The following SGCD variants were observed in gnomAD, a reference collection of about 807,000 sequenced individuals.
SGCD encodes delta-sarcoglycan.
SGCD carries 18 observed loss-of-function variants against 36.6 expected under a neutral mutation model. That is an observed-to-expected ratio of 0.49 (90% confidence interval 0.34 to 0.73). The LOEUF (loss-of-function observed/expected upper bound fraction) is 0.73, where lower values mean the gene tolerates loss of function less well. Ranked by LOEUF, SGCD falls within the 30% of genes least tolerant of loss-of-function variation. The pLI, the probability that SGCD is intolerant of heterozygous loss-of-function variation, is 0.01. For synonymous variants in SGCD, 133 were observed against 130.6 expected (o/e 1.02, Z -0.12); for missense variants, 387 against 346.7 (o/e 1.12, Z -0.92).
At chr5:156,713,383 CA>C (rs1369287541) in intron 7 of SGCD, among the ~76,000 whole-genome samples, 1 of 143,534 alleles carries the variant, frequency 7.0e-6, no homozygotes, top group East Asian at 2.0e-4. Context: ...CCTGGGGGGA[CA>C]GGAAGAATAT....
At chr5:156,171,549 C>T (rs1763348013) in intron 3 of SGCD, among the ~76,000 whole-genome samples, 1 of 152,112 alleles carries the variant, frequency 6.6e-6, no homozygotes. Context: ...CCAAATAAAT[C>T]ACATTGTTAC....
chr5:156,459,392 A>G (rs1754390953), intron 3 of SGCD, among the ~76,000 whole-genome samples: 1 of 152,186 alleles, frequency 6.6e-6, no homozygotes, highest in Non-Finnish European at 1.5e-5. Context: ...TGTGCATGAG[A>G]ATCACTTGAA....
intron 4 of SGCD, among the ~76,000 whole-genome samples, chr5:156,567,639 G>A (rs1227923969): frequency 4.6e-5 from 7 of 152,106 alleles, no homozygotes; most frequent in Non-Finnish European, 8.8e-5. Flanking sequence ...AGAGCAATCT[G>A]CTTTACCCAG....
rs544597737 is a variant in SGCD at position 156,278,205 on chromosome 5, A to G, written c.-43-51329A>G. ...GGGACTGGTATATAGTGAGCAAGAA[A>G]TAACATGATTGTAGGTAGGCTGTGA... is the stretch of plus-strand genomic sequence containing the variant. On this transcript the variant is annotated intron_variant, in intron 3 of 9. Coordinates refer to the SGCD transcript ENST00000517913. 1.5e-4 allele frequency among the ~76,000 whole-genome samples: 23 copies of G among 152,298 alleles called. No homozygotes were observed. In the South Asian group the frequency reaches 4.6e-3, roughly 30 times the overall value.
chr5:156,203,128 ACTATACT>A (rs1764192437), intron 3 of SGCD, among the ~76,000 whole-genome samples: 4 of 152,252 alleles, frequency 2.6e-5, no homozygotes, highest in Admixed American at 2.0e-4. Context: ...ATGTGGGGAA[ACTATACT>A]CTATAATTTG....
chr5:156,095,338 G>A (rs1002410521), intron 1 of SGCD, among the ~76,000 whole-genome samples: 1 of 152,168 alleles, frequency 6.6e-6, no homozygotes. Flanking sequence ...CCAAGTCCCG[G>A]TCTATCTATT....
chr5:156,043,117 C>T (rs997284150), intron 1 of SGCD, among the ~76,000 whole-genome samples: 11 of 152,118 alleles, frequency 7.2e-5, no homozygotes, highest in African/African-American at 1.9e-4. Flanking sequence ...AATTTTCTTA[C>T]GGTTACAATT....
chr5:156,478,737 C>T (rs745869528), intron 3 of SGCD, among the ~76,000 whole-genome samples: 5 of 152,004 alleles, frequency 3.3e-5, no homozygotes, highest in African/African-American at 9.7e-5. Context: ...TGAGCCGCTA[C>T]GCCTAGCTAA....
At chr5:155,907,477 A>G (rs765900792) in intron 1 of SGCD, among the ~76,000 whole-genome samples, 1 of 152,128 alleles carries the variant, frequency 6.6e-6, no homozygotes, top group Non-Finnish European at 1.5e-5. Flanking sequence ...CTTCTGGAAC[A>G]TTTGTGATTC....
chr5:156,731,735 A>C (rs998483916), intron 7 of SGCD, among the ~76,000 whole-genome samples: 1 of 152,166 alleles, frequency 6.6e-6, no homozygotes. Flanking sequence ...TTTAATAGGC[A>C]TAGCATTGAA....
At chr5:156,219,443 G>C (rs1764662277) in intron 3 of SGCD, among the ~76,000 whole-genome samples, 1 of 151,966 alleles carries the variant, frequency 6.6e-6, no homozygotes, top group South Asian at 2.1e-4. Context: ...GGACATAGTA[G>C]GTCAGTATAA....
the SGCD span, among the ~76,000 whole-genome samples, chr5:155,735,194 G>A: frequency 2.6e-5 from 4 of 152,176 alleles, no homozygotes; most frequent in Admixed American, 6.5e-5. Context: ...GGTCTAATGC[G>A]TCCCTAGAGG....
intron 7 of SGCD, among the ~76,000 whole-genome samples, chr5:156,673,413 C>T (rs538893328): frequency 8.5e-5 from 13 of 152,310 alleles, no homozygotes; most frequent in South Asian, 6.2e-4. Context: ...CCCTGGCCTA[C>T]GGTTCCTATT....
At chr5:155,759,959 G>T in the SGCD span, among the ~76,000 whole-genome samples, 3 of 152,108 alleles carry the variant, frequency 2.0e-5, no homozygotes, top group African/African-American at 7.2e-5. Context: ...CATTTCATCC[G>T]GTTAGCTTAT....
intron 1 of SGCD, among the ~76,000 whole-genome samples, chr5:156,069,936 G>T (rs1467043382): frequency 1.3e-5 from 2 of 151,958 alleles, no homozygotes; most frequent in East Asian, 3.9e-4. Context: ...CTGTTTGTCT[G>T]TTATTGGTGT....
At chr5:155,985,202 T>C (rs150241091) in intron 1 of SGCD, among the ~76,000 whole-genome samples, 5 of 152,348 alleles carry the variant, frequency 3.3e-5, no homozygotes, top group African/African-American at 1.2e-4. Context: ...ATGGTTCAGC[T>C]GGTTCTTTGC....
intron 1 of SGCD, among the ~76,000 whole-genome samples, chr5:156,037,784 T>C (rs755751560): frequency 1.3e-5 from 2 of 152,210 alleles, no homozygotes; most frequent in African/African-American, 2.4e-5. Context: ...GACTAGGCTA[T>C]CTAGAAAGAA....
At chr5:156,319,395 C>T (rs1322974235) in intron 3 of SGCD, among the ~76,000 whole-genome samples, 3 of 152,178 alleles carry the variant, frequency 2.0e-5, no homozygotes, top group Non-Finnish European at 4.4e-5. Flanking sequence ...TTTTTGCCTG[C>T]CTTTAACTTG....
At chr5:156,670,278 G>A (rs772964879) in intron 7 of SGCD, among the ~76,000 whole-genome samples, 1 of 152,116 alleles carries the variant, frequency 6.6e-6, no homozygotes, top group East Asian at 1.9e-4. Context: ...AGCAGAATGG[G>A]CAAGCGTGTT....
Sources: gnomAD v4.1 joint callset for allele counts (sites outside exome capture counted in the v4.1 genomes callset) on GRCh38, gnomAD v4.1.1 for gene constraint, MANE v1.5 for transcripts, NCBI Gene and HGNC (gene_info 2026-07-23, HGNC 2026-07-21) for gene names.